The following ABLIM2 variants were observed in gnomAD, a reference collection of about 807,000 sequenced individuals.
The protein encoded by ABLIM2 is actin binding LIM protein family member 2, also known as actin-binding LIM protein 2.
Under a neutral mutation model 97.7 loss-of-function variants are expected in ABLIM2, and 53 were observed. The observed-to-expected ratio is 0.54, with a 90% confidence interval of 0.44 to 0.68. The LOEUF is 0.68. Ranked by LOEUF, ABLIM2 falls within the 30% of genes least tolerant of loss-of-function variation. ABLIM2 has a pLI of 0.00. For synonymous variants in ABLIM2, 361 were observed against 345.8 expected (o/e 1.04, Z -0.49); for missense variants, 835 against 867.2 (o/e 0.96, Z 0.47).
rs140217263 is a variant in ABLIM2 at position 8,044,187 on chromosome 4, A to T, written c.900+977T>A. Among the ~76,000 whole-genome samples, 2,201 of 152,280 alleles carry T rather than the reference A, an allele frequency of 0.014. 24 individuals are homozygous for T. Among genetic ancestry groups the T allele is most frequent in the Non-Finnish European group, 0.021 (1,441 of 68,016 alleles). ...TGGAGCCTAGAAACCCAGTGGATCC[A>T]GCCTCCGCTGAGGCATGAAGAACCC... On this transcript the variant is annotated intron_variant, in intron 9 of 20. Transcript: ENST00000447017. This position sits in a 1 kb window ranked among gnomAD's most constrained non-coding sequence, Gnocchi z 4.4.
At chr4:8,111,969 T>C (rs1463274353) in intron 1 of ABLIM2, among the ~76,000 whole-genome samples, 1 of 150,586 alleles carries the variant, frequency 6.6e-6, no homozygotes, top group Non-Finnish European at 1.5e-5. Context: ...CTAACCACAA[T>C]TGCGGCAGGT....
At position 8,046,982 on chromosome 4, in the gene ABLIM2, C is replaced by A. The variant is rs1792888941; in HGVS notation, c.823-1741G>T. ...AGGTGGGTTTCTGCTGTGCAGGCCA[C>A]CCAGGCCGGGTGCCTTTATCGGGGA... is the stretch of plus-strand genomic sequence containing the variant. On this transcript the variant is annotated intron_variant, in intron 8 of 20. Coordinates refer to ENST00000447017, the MANE Select transcript of ABLIM2 (RefSeq NM_001130083.2). This position sits in a 1 kb window ranked among gnomAD's most constrained non-coding sequence, Gnocchi z 4.4. 6.6e-6 allele frequency among the ~76,000 whole-genome samples: 1 copy of A among 152,202 alleles called. No individual in the cohort carries two copies. Among genetic ancestry groups the A allele is most frequent in the Non-Finnish European group, 1.5e-5 (1 of 68,030 alleles).
chr4:7,974,959 CT>C (rs1168814794), intron 20 of ABLIM2, among the ~76,000 whole-genome samples: 1 of 152,214 alleles, frequency 6.6e-6, no homozygotes, highest in East Asian at 1.9e-4. Flanking sequence ...TGGCTCATGA[CT>C]GAAATCCCAG....
Position 8,046,555 on chromosome 4 carries a change from C to T in ABLIM2, c.823-1314G>A, listed in dbSNP as rs921830763. On this transcript the variant is annotated intron_variant, in intron 8 of 20. Coordinates refer to ENST00000447017, the MANE Select transcript of ABLIM2 (RefSeq NM_001130083.2). This position sits in a 1 kb window ranked among gnomAD's most constrained non-coding sequence, Gnocchi z 4.4. ...CGATGGTTTCCCACCCCGACCACAG[C>T]CCCCACTGCAGCTCCCTCCTCTCAT... Among the ~76,000 whole-genome samples the T allele has an allele frequency of 1.1e-4, 17 of 152,266 alleles. No individual in the cohort carries two copies. Among genetic ancestry groups the T allele is most frequent in the African/African-American group, 3.9e-4 (16 of 41,544 alleles).
intron 20 of ABLIM2, among the ~76,000 whole-genome samples, chr4:7,968,862 C>T (rs28850594): frequency 0.29 from 44,389 of 151,968 alleles, 8,027 homozygotes; most frequent in Middle Eastern, 0.43. Flanking sequence ...TAAAATGGGC[C>T]GGGGGTGGCA....
chr4:7,995,801 G>T (rs867420835), intron 16 of ABLIM2, among the ~76,000 whole-genome samples: 2 of 152,242 alleles, frequency 1.3e-5, no homozygotes, highest in African/African-American at 4.8e-5. Flanking sequence ...ACATGTGAGA[G>T]GGGCGGGGGT....
In ABLIM2 at chr4:8,044,118, A is replaced by T. The variant is rs1790557029; in HGVS notation, c.900+1046T>A. Reference sequence around the variant, plus strand: ...CCACTATGAGAGAGGAGGGTCGAAAAGAAGCACAGCAGACAGCAGATCCAA... The same window carrying T: ...CCACTATGAGAGAGGAGGGTCGAAATGAAGCACAGCAGACAGCAGATCCAA... On this transcript the variant is annotated intron_variant, in intron 9 of 20. Transcript: ENST00000447017. The surrounding 1 kb of genome is among the most constrained non-coding windows in gnomAD (Gnocchi z 4.4). Among the ~76,000 whole-genome samples, 1 of 152,234 alleles carries T rather than the reference A, an allele frequency of 6.6e-6. No individual in the cohort carries two copies. The highest frequency in any genetic ancestry group is 2.4e-5 in the African/African-American group (1 of 41,458).
Position 8,061,405 on chromosome 4 carries a change from C to T in ABLIM2, c.676-351G>A, listed in dbSNP as rs1012157848. Among the ~76,000 whole-genome samples the T allele has an allele frequency of 5.3e-5, 8 of 151,278 alleles. No individual in the cohort carries two copies. The highest frequency in any genetic ancestry group is 2.1e-4 in the South Asian group (1 of 4,800). The stretch of plus-strand genomic sequence containing the variant: ...GTATTTCCAGAGGGAGCGGGAGGGA[C>T]AGGAGGAGGAAGAAAAGGGGAGAGG... On this transcript the variant is annotated intron_variant, in intron 6 of 20. Coordinates refer to ENST00000447017, the MANE Select transcript of ABLIM2 (RefSeq NM_001130083.2). This position sits in a 1 kb window ranked among gnomAD's most constrained non-coding sequence, Gnocchi z 4.5.
rs28416479 is a variant in ABLIM2 at position 8,047,799 on chromosome 4, C to T, written c.823-2558G>A. On this transcript the variant is annotated intron_variant, in intron 8 of 20. Transcript: ENST00000447017. ...TGAGGATTAGATCAGGGATGAGGCA[C>T]GTGAGGTGCTTAGCACTGAAAAATT... Among the ~76,000 whole-genome samples the T allele has an allele frequency of 3.9e-5, 6 of 152,330 alleles. No homozygotes were observed. In the South Asian group the frequency reaches 1.0e-3, roughly 26 times the overall value.
chr4:8,138,734 C>T (rs899531900), intron 1 of ABLIM2, among the ~76,000 whole-genome samples: 9 of 152,122 alleles, frequency 5.9e-5, no homozygotes, highest in East Asian at 3.8e-4. Context: ...AAGACTTAAA[C>T]GTAAAACCCA....
At chr4:8,078,325 T>A (rs1227090853) in intron 5 of ABLIM2, among the ~76,000 whole-genome samples, 2 of 152,218 alleles carry the variant, frequency 1.3e-5, no homozygotes, top group Non-Finnish European at 2.9e-5. Context: ...CACGTATGCG[T>A]CCATCCCCTC....
chr4:8,010,884 A>T (rs1485492735), intron 14 of ABLIM2, among the ~76,000 whole-genome samples: 1 of 152,216 alleles, frequency 6.6e-6, no homozygotes, highest in Non-Finnish European at 1.5e-5. Context: ...GCAGCTGCCC[A>T]GCAAGTCCCA....
chr4:8,050,418 G>A (rs983819377), intron 8 of ABLIM2, among the ~76,000 whole-genome samples: 2 of 152,178 alleles, frequency 1.3e-5, no homozygotes, highest in African/African-American at 4.8e-5. Context: ...GGGGCCAGGT[G>A]CTCAGGGGTT....
rs113452362 is a variant in ABLIM2 at position 8,112,880 on chromosome 4, T to C, written c.11-6243A>G. On this transcript the variant is annotated intron_variant, in intron 1 of 20. Transcript: ENST00000447017. This position sits in a 1 kb window ranked among gnomAD's most constrained non-coding sequence, Gnocchi z 4.2. ...CCATCACCTGCTGGGCTGCAAACCATGTGTTCACTTGTTCAACAGACACGG... is the reference window on the plus strand; with the variant it reads ...CCATCACCTGCTGGGCTGCAAACCACGTGTTCACTTGTTCAACAGACACGG... Among the ~76,000 whole-genome samples the C allele has an allele frequency of 9.2e-3, 1,395 of 152,220 alleles. 20 individuals carry two copies. The highest frequency in any genetic ancestry group is 0.032 in the African/African-American group (1,322 of 41,542).
At chr4:8,064,805 G>C (rs1805941350) in intron 6 of ABLIM2, among the ~76,000 whole-genome samples, 2 of 152,156 alleles carry the variant, frequency 1.3e-5, no homozygotes, top group South Asian at 2.1e-4. Context: ...TCTCTTTCTT[G>C]ACTCGGTACT....
intron 5 of ABLIM2, among the ~76,000 whole-genome samples, chr4:8,078,527 G>T (rs541366542): frequency 6.6e-6 from 1 of 152,202 alleles, no homozygotes; most frequent in Admixed American, 6.5e-5. Flanking sequence ...CTTCACACCC[G>T]TTATCATGAT....
Position 7,987,392 on chromosome 4 carries a change from G to C in ABLIM2, c.1681-2499C>G, listed in dbSNP as rs952093428. ...CTCACCTCAGCCTCCCAAAGCACTGGGATTACAGGTGTGAGCCACCATGTC... is the reference window on the plus strand; with the variant it reads ...CTCACCTCAGCCTCCCAAAGCACTGCGATTACAGGTGTGAGCCACCATGTC... On this transcript the variant is annotated intron_variant, in intron 17 of 20. Coordinates refer to ENST00000447017, the MANE Select transcript of ABLIM2 (RefSeq NM_001130083.2). 2.0e-5 allele frequency among the ~76,000 whole-genome samples: 3 copies of C among 152,146 alleles called. No homozygotes were observed. The South Asian group carries it at 6.2e-4, about 32-fold the overall frequency.
At chr4:8,000,466 G>A (rs1164894991) in intron 16 of ABLIM2, among the ~76,000 whole-genome samples, 1 of 152,168 alleles carries the variant, frequency 6.6e-6, no homozygotes, top group Non-Finnish European at 1.5e-5. Context: ...GGGACGGGCT[G>A]AGATTGAATC....
At chr4:8,049,504 G>A (rs193217214) in intron 8 of ABLIM2, among the ~76,000 whole-genome samples, 60 of 152,282 alleles carry the variant, frequency 3.9e-4, no homozygotes, top group Non-Finnish European at 5.6e-4. Flanking sequence ...GATGGGAAGC[G>A]GGGGTCAGAC....
Sources: gnomAD v4.1 joint callset for allele counts (sites outside exome capture counted in the v4.1 genomes callset) on GRCh38, gnomAD v4.1.1 for gene constraint, Gnocchi (gnomAD v3.1) non-coding constraint, MANE v1.5 for transcripts, NCBI Gene and HGNC (gene_info 2026-07-23, HGNC 2026-07-21) for gene names.